The following KCNMB2 variants were observed in gnomAD, a reference collection of about 807,000 sequenced individuals.
KCNMB2 encodes the protein potassium calcium-activated channel subfamily M regulatory beta subunit 2.
In KCNMB2, 9 loss-of-function variants were observed where a neutral mutation model predicts 24.5. The ratio of observed to expected loss-of-function variants is 0.37; its 90% CI spans 0.22 to 0.64. The LOEUF (loss-of-function observed/expected upper bound fraction) is 0.64, where lower values mean the gene tolerates loss of function less well. Among genes scored for constraint, KCNMB2 ranks in the 30% least tolerant of loss-of-function variants. The pLI is 0.63. For synonymous variants in KCNMB2, 109 were observed against 104.4 expected, an observed-to-expected ratio of 1.04 and a Z score of -0.27; for missense variants, 226 against 284.3, an observed-to-expected ratio of 0.79 and a Z score of 1.47.
At chr3:178,612,404 C>A (rs1020371746) in intron 1 of KCNMB2, among the ~76,000 whole-genome samples, 1 of 152,040 alleles carries the variant, frequency 6.6e-6, no homozygotes, top group African/African-American at 2.4e-5. Context: ...CATTTCCTTT[C>A]TATATCTGGG....
intron 1 of KCNMB2, among the ~76,000 whole-genome samples, chr3:178,692,577 C>G (rs190359841): frequency 1.3e-5 from 2 of 152,216 alleles, no homozygotes; most frequent in African/African-American, 4.8e-5. Flanking sequence ...TATTTCTGGG[C>G]TCCCTATTCT....
intron 1 of KCNMB2, among the ~76,000 whole-genome samples, chr3:178,615,109 TC>T (rs758818381): frequency 2.0e-5 from 3 of 152,164 alleles, no homozygotes; most frequent in Non-Finnish European, 4.4e-5. Flanking sequence ...CCTTACTTTC[TC>T]CAAAGCAAAC....
At chr3:178,689,861 T>TA (rs1721606175) in intron 1 of KCNMB2, among the ~76,000 whole-genome samples, 1 of 152,164 alleles carries the variant, frequency 6.6e-6, no homozygotes, top group African/African-American at 2.4e-5. Context: ...ACTGAAACAA[T>TA]ACAATATTAC....
At chr3:178,806,834 C>T (rs1211312099) in intron 1 of KCNMB2, among the ~76,000 whole-genome samples, 3 of 152,094 alleles carry the variant, frequency 2.0e-5, no homozygotes, top group Non-Finnish European at 2.9e-5. Flanking sequence ...ACTCAACTGC[C>T]ATGGGCAGAT....
intron 1 of KCNMB2, among the ~76,000 whole-genome samples, chr3:178,765,636 C>CGTGTGCATGTGTTCCTGTCCCTGTGT (rs71181249): frequency 6.6e-6 from 1 of 151,558 alleles, no homozygotes; most frequent in East Asian, 1.9e-4. Context: ...TGTGCACGCG[C>CGTGTGCATGTGTTCCTGTCCCTGTGT]GTGTGCATGT....
At chr3:178,621,856 T>C (rs1718935639) in intron 1 of KCNMB2, among the ~76,000 whole-genome samples, 1 of 152,206 alleles carries the variant, frequency 6.6e-6, no homozygotes, top group South Asian at 2.1e-4. Flanking sequence ...TGCTCTTACC[T>C]ACCTAGAGGG....
chr3:178,588,035 C>T (rs34788384), intron 1 of KCNMB2, among the ~76,000 whole-genome samples: 3,041 of 151,864 alleles, frequency 0.02, 39 homozygotes, highest in Admixed American at 0.024. Context: ...TGATGGTTTC[C>T]GGCTTCATCC....
chr3:178,594,003 G>A (rs565902918), intron 1 of KCNMB2, among the ~76,000 whole-genome samples: 1 of 151,420 alleles, frequency 6.6e-6, no homozygotes, highest in East Asian at 1.9e-4. Flanking sequence ...CCATCACTTT[G>A]AAAATGCTAT....
chr3:178,711,176 TAGTC>T (rs1722441737), intron 1 of KCNMB2, among the ~76,000 whole-genome samples: 1 of 152,208 alleles, frequency 6.6e-6, no homozygotes, highest in Non-Finnish European at 1.5e-5. Context: ...CACTTGCCAA[TAGTC>T]AGTCAAAATT....
intron 1 of KCNMB2, among the ~76,000 whole-genome samples, chr3:178,662,220 C>A (rs1201314352): frequency 6.6e-6 from 1 of 152,098 alleles, no homozygotes; most frequent in African/African-American, 2.4e-5. Context: ...AAGTAGAATA[C>A]CCTTTGCTAA....
chr3:178,539,275 G>T (rs1285991676), intron 1 of KCNMB2, among the ~76,000 whole-genome samples: 1 of 151,970 alleles, frequency 6.6e-6, no homozygotes, highest in East Asian at 1.9e-4. Flanking sequence ...AAATAAAAAA[G>T]CAGACTGCAA....
intron 1 of KCNMB2, among the ~76,000 whole-genome samples, chr3:178,652,563 A>C (rs752475291): frequency 6.3e-4 from 96 of 152,056 alleles, no homozygotes; most frequent in Non-Finnish European, 1.0e-3. Flanking sequence ...AAATTTAATT[A>C]ATTTAATAAT....
At chr3:178,655,089 GCT>G (rs1331305034) in intron 1 of KCNMB2, among the ~76,000 whole-genome samples, 3 of 77,896 alleles carry the variant, frequency 3.9e-5, no homozygotes, top group African/African-American at 1.5e-4. Flanking sequence ...GTAAATATTA[GCT>G]CTCCCTCTCT....
intron 1 of KCNMB2, among the ~76,000 whole-genome samples, chr3:178,663,650 C>T (rs1720614462): frequency 6.6e-6 from 1 of 152,174 alleles, no homozygotes; most frequent in Admixed American, 6.5e-5. Flanking sequence ...TTGAACTTTA[C>T]ATAGCTGCTC....
At chr3:178,780,835 C>G (rs943124137) in intron 1 of KCNMB2, among the ~76,000 whole-genome samples, 20 of 152,180 alleles carry the variant, frequency 1.3e-4, no homozygotes, top group African/African-American at 3.6e-4. Context: ...AGACCTATTA[C>G]ATACCAAGTG....
intron 1 of KCNMB2, among the ~76,000 whole-genome samples, chr3:178,775,920 C>T (rs1189746356): frequency 2.0e-5 from 3 of 152,146 alleles, no homozygotes; most frequent in African/African-American, 7.2e-5. Flanking sequence ...TTATAATTTT[C>T]AGAGGTATCC....
At chr3:178,632,926 A>T (rs1424484085) in intron 1 of KCNMB2, among the ~76,000 whole-genome samples, 15 of 152,214 alleles carry the variant, frequency 9.9e-5, no homozygotes, top group Admixed American at 9.8e-4. Flanking sequence ...TCCAAATAGA[A>T]GAAATTGTTC....
At chr3:178,664,397 CTA>C (rs772817358) in intron 1 of KCNMB2, among the ~76,000 whole-genome samples, 3 of 152,102 alleles carry the variant, frequency 2.0e-5, no homozygotes, top group Admixed American at 6.6e-5. Context: ...CTATAAAAAT[CTA>C]AGTCTGAATG....
At chr3:178,550,222 G>A (rs1315473015) in intron 1 of KCNMB2, among the ~76,000 whole-genome samples, 2 of 151,774 alleles carry the variant, frequency 1.3e-5, no homozygotes, top group African/African-American at 4.8e-5. Context: ...AGGCCGAGGC[G>A]GGCGGATCAT....
Sources: gnomAD v4.1 joint callset for allele counts (sites outside exome capture counted in the v4.1 genomes callset) on GRCh38, gnomAD v4.1.1 for gene constraint, MANE v1.5 for transcripts, NCBI Gene and HGNC (gene_info 2026-07-23, HGNC 2026-07-21) for gene names.